The following CYSLTR1 variants were observed in gnomAD, a reference collection of about 807,000 sequenced individuals.
CYSLTR1 encodes the protein cysteinyl leukotriene receptor 1, also known as G-protein coupled receptor HG55.
CYSLTR1 carries 1 observed loss-of-function variant against 2.1 expected under a neutral mutation model. The observed-to-expected ratio is 0.48, with a 90% confidence interval of 0.17 to 2.28. CYSLTR1 has a LOEUF of 2.28. Among genes scored for constraint, CYSLTR1 ranks in the 30% most tolerant of loss-of-function variants. The probability of loss-of-function intolerance (pLI) is 0.26; values close to 1 mark genes in which losing one functional copy is unlikely to be tolerated. For synonymous variants in CYSLTR1, 110 were observed against 89.6 expected (o/e 1.23, Z -1.28); for missense variants, 299 against 250.1 (o/e 1.20, Z -1.32).
chrX:78,274,960 C>G (rs1249738421), intron 2 of CYSLTR1, among the ~76,000 whole-genome samples: 1 of 111,714 alleles, frequency 9.0e-6, no homozygotes, highest in Non-Finnish European at 1.9e-5. Context: ...TTTATGCAGC[C>G]AACAGACACA....
rs776231404 is a variant in CYSLTR1 at position 78,272,612 on chromosome X, G to A, written c.*121C>T. The A allele has an allele frequency of 5.9e-5, 40 of 675,601 alleles. 1 individual carries two copies. The African/African-American group carries it at 6.1e-4, about 10-fold the overall frequency. 55.7% of individuals were successfully genotyped at this position (675,601 alleles called of 1,213,427 possible). A position where few individuals can be genotyped will look rare whatever the true frequency, so the allele number is the denominator to read the frequency against. ...ATGCATAAATGAGATAGAGTTGTAG[G>A]CCCAAATAGTTAAGTATTTGTAAAA... On this transcript the variant is annotated 3_prime_UTR_variant, in exon 3 of 3. Coordinates refer to ENST00000373304, the MANE Select transcript of CYSLTR1 (RefSeq NM_006639.4).
rs1195488487 is a variant in CYSLTR1 at position 78,273,287 on chromosome X, T to C, written c.460A>G (p.Thr154Ala). The C allele has an allele frequency of 1.9e-5, 23 of 1,209,798 alleles. No individual in the cohort carries two copies. Among genetic ancestry groups the C allele is most frequent in the Non-Finnish European group, 2.5e-5 (22 of 894,380 alleles). Residue 154 changes from threonine to alanine, a missense_variant, in exon 3 of 3, where the codon ACC (threonine) becomes GCC (alanine). By Grantham distance (58) the Thr-to-Ala change is moderately conservative (BLOSUM62 0). Coordinates refer to ENST00000373304, the MANE Select transcript of CYSLTR1 (RefSeq NM_006639.4). ...TTGGCCATTAGAAATGGAGAACTGG[T>C]CAAAATCACAAAAATCCAAATACCT... ...CVGIWIFVIL[T>A]SSPFLMAKPQ...
chrX:78,304,916 A>G (rs760261869), intron 1 of CYSLTR1, among the ~76,000 whole-genome samples: 5 of 111,860 alleles, frequency 4.5e-5, no homozygotes, highest in Admixed American at 1.9e-4. Context: ...TCTGGTGATA[A>G]TTTCTAAGCC....
At position 78,271,980 on chromosome X, in the gene CYSLTR1, T is replaced by C. The variant is rs1219482493; in HGVS notation, c.*753A>G. 8.9e-6 allele frequency: 1 copy of C among 111,867 alleles called. No homozygotes were observed. The highest frequency in any genetic ancestry group is 1.9e-5 in the Non-Finnish European group (1 of 53,164). The allele number at this position is 111,867 out of a possible 1,213,427, so 9.2% of individuals were successfully genotyped here. The stretch of plus-strand genomic sequence containing the variant: ...TGGCTTCTTAAGGAAGAATTATATG[T>C]CATGGATGGAGAGAAATCTCTACAG... On this transcript the variant is annotated 3_prime_UTR_variant, in exon 3 of 3. Coordinates refer to ENST00000373304, the MANE Select transcript of CYSLTR1 (RefSeq NM_006639.4).
chrX:78,293,112 G>C (rs886749992), intron 1 of CYSLTR1, among the ~76,000 whole-genome samples: 6 of 111,132 alleles, frequency 5.4e-5, no homozygotes, highest in Non-Finnish European at 1.1e-4. Flanking sequence ...GCAGTGGCTG[G>C]TACTGGTTGT....
intron 1 of CYSLTR1, among the ~76,000 whole-genome samples, chrX:78,323,399 A>C (rs1367181974): frequency 1.8e-5 from 2 of 112,051 alleles, no homozygotes; most frequent in East Asian, 5.6e-4. Context: ...CTTAAGTAAG[A>C]ATTCAAATTC....
chrX:78,274,685 T>A (rs1166883310), intron 2 of CYSLTR1, among the ~76,000 whole-genome samples: 8 of 110,085 alleles, frequency 7.3e-5, no homozygotes, highest in Admixed American at 6.8e-4. Flanking sequence ...ACTTCATGTC[T>A]AAAACACCAA....
chrX:78,298,368 C>T (rs932492903), intron 1 of CYSLTR1, among the ~76,000 whole-genome samples: 2 of 111,445 alleles, frequency 1.8e-5, no homozygotes, highest in African/African-American at 6.5e-5. Context: ...ATGAAATATT[C>T]TGTGAATATC....
At chrX:78,277,033 G>C (rs924276072) in intron 2 of CYSLTR1, among the ~76,000 whole-genome samples, 10 of 111,406 alleles carry the variant, frequency 9.0e-5, no homozygotes, top group African/African-American at 3.3e-4. Context: ...TGAGCTAGCA[G>C]GGAGAACTTC....
chrX:78,282,812 A>G (rs1191506998), intron 2 of CYSLTR1, among the ~76,000 whole-genome samples: 1 of 111,801 alleles, frequency 8.9e-6, no homozygotes, highest in East Asian at 2.8e-4. Flanking sequence ...TAAATTTGAA[A>G]TTCTCAAATC....
chrX:78,279,208 C>T (rs773164182), intron 2 of CYSLTR1, among the ~76,000 whole-genome samples: 3 of 111,369 alleles, frequency 2.7e-5, no homozygotes, highest in Non-Finnish European at 5.7e-5. Context: ...GCAAACTATA[C>T]ATCCAACAAA....
At chrX:78,316,988 C>T (rs975682732) in intron 1 of CYSLTR1, among the ~76,000 whole-genome samples, 5 of 111,939 alleles carry the variant, frequency 4.5e-5, no homozygotes, top group South Asian at 7.3e-4. Flanking sequence ...ATAGATGAGA[C>T]AAATTTAAAC....
intron 1 of CYSLTR1, among the ~76,000 whole-genome samples, chrX:78,315,026 G>T (rs1923360712): frequency 9.6e-6 from 1 of 104,376 alleles, no homozygotes; most frequent in African/African-American, 3.5e-5. Flanking sequence ...TGCTTGAAGA[G>T]ACAAAAGAGA....
intron 2 of CYSLTR1, among the ~76,000 whole-genome samples, chrX:78,275,276 A>G (rs1324751436): frequency 8.9e-6 from 1 of 111,990 alleles, no homozygotes; most frequent in Non-Finnish European, 1.9e-5. Context: ...AGACACATGC[A>G]CATGTATGTT....
Position 78,279,260 on chromosome X carries a change from CA to C in CYSLTR1, c.-28+4193del, listed in dbSNP as rs745315299. ...TCTATAAGAAACTTAAATCAACATGCAAAAAAAAACCTGTTAAAAAAATGGG... is the reference window on the plus strand; with the variant it reads ...TCTATAAGAAACTTAAATCAACATGCAAAAAAAACCTGTTAAAAAAATGGG... On this transcript the variant is annotated intron_variant, in intron 2 of 2. Transcript: ENST00000373304. Among the ~76,000 whole-genome samples, 98 of 107,156 alleles carry C rather than the reference CA, an allele frequency of 9.1e-4. 1 individual carries two copies. The highest frequency in any genetic ancestry group is 3.2e-3 in the African/African-American group (94 of 29,610). The allele number at this position is 107,156 out of a possible 115,157, so 93.1% of individuals were successfully genotyped here. A position where few individuals can be genotyped will look rare whatever the true frequency, so the allele number is the denominator to read the frequency against.
chrX:78,293,990 T>A (rs1922467313), intron 1 of CYSLTR1, among the ~76,000 whole-genome samples: 1 of 112,465 alleles, frequency 8.9e-6, no homozygotes, highest in Non-Finnish European at 1.9e-5. Flanking sequence ...TCTCAACTTG[T>A]CAAAGTCATT....
chrX:78,301,889 G>A (rs1232975532), intron 1 of CYSLTR1, among the ~76,000 whole-genome samples: 1 of 112,041 alleles, frequency 8.9e-6, no homozygotes, highest in Non-Finnish European at 1.9e-5. Context: ...AAGTGGTTGG[G>A]GAGGCCTCAC....
chrX:78,304,983 C>G (rs1260622309), intron 1 of CYSLTR1, among the ~76,000 whole-genome samples: 2 of 111,759 alleles, frequency 1.8e-5, no homozygotes, highest in Non-Finnish European at 3.8e-5. Flanking sequence ...GCATCTACAT[C>G]TTGTTATTGG....
intron 1 of CYSLTR1, among the ~76,000 whole-genome samples, chrX:78,306,994 G>A (rs1340448307): frequency 8.9e-6 from 1 of 111,870 alleles, no homozygotes; most frequent in Non-Finnish European, 1.9e-5. Context: ...AAATTACAAG[G>A]ATTAAAACTT....
Sources: allele counts gnomAD v4.1 joint callset (sites outside exome capture counted in the v4.1 genomes callset), GRCh38; gene constraint gnomAD v4.1.1; transcripts MANE v1.5; gene names NCBI Gene and HGNC (gene_info 2026-07-23, HGNC 2026-07-21).